Variants in ALK observed in about 807,000 individuals in gnomAD.
The protein encoded by ALK is ALK receptor tyrosine kinase, also known as ALK tyrosine kinase receptor.
In ALK, 74 loss-of-function variants were observed where a neutral mutation model predicts 163.1. The ratio of observed to expected loss-of-function variants is 0.45; its 90% CI spans 0.38 to 0.55. The LOEUF is 0.55. Ranked by LOEUF, ALK falls within the 20% of genes least tolerant of loss-of-function variation. The pLI is 0.00. For missense variants in ALK, 2,063 were observed against 2,105.3 expected (o/e 0.98, Z 0.39); for synonymous variants, 960 against 843.2 (o/e 1.14, Z -2.40).
chr2:29,857,910 G>A lies in ALK; in HGVS notation c.667+62083C>T, dbSNP rs1047364854. The stretch of plus-strand genomic sequence containing the variant: ...TTGTGAGAAATAGCAGAGTGATCCT[G>A]TGGTGTCCGTTTTACTCAGTTTCTG... On this transcript the variant is annotated intron_variant, in intron 1 of 28. Coordinates refer to ENST00000389048, the MANE Select transcript of ALK (RefSeq NM_004304.5). Among the ~76,000 whole-genome samples the A allele has an allele frequency of 1.3e-5, 2 of 152,208 alleles. 1 individual carries two copies. The highest frequency in any genetic ancestry group is 1.3e-4 in the Admixed American group (2 of 15,282).
At chr2:29,429,225 T>C (rs1034722015) in intron 4 of ALK, among the ~76,000 whole-genome samples, 11 of 152,034 alleles carry the variant, frequency 7.2e-5, no homozygotes, top group African/African-American at 2.2e-4. Context: ...GCCACTTCTA[T>C]TGAACATTAT....
chr2:29,694,149 C>G (rs564585582), intron 3 of ALK, among the ~76,000 whole-genome samples: 4 of 152,324 alleles, frequency 2.6e-5, no homozygotes, highest in African/African-American at 7.2e-5. Context: ...GCCTTCATGT[C>G]TCTGTCTAAG....
intron 4 of ALK, among the ~76,000 whole-genome samples, chr2:29,501,977 C>T (rs1672199900): frequency 6.6e-6 from 1 of 152,174 alleles, no homozygotes. Context: ...TCAAGGTTCA[C>T]ACACATTGTA....
intron 1 of ALK, among the ~76,000 whole-genome samples, chr2:29,834,023 G>C (rs144566924): frequency 1.7e-4 from 26 of 152,122 alleles, no homozygotes; most frequent in African/African-American, 6.0e-4. Flanking sequence ...ACACATGGTT[G>C]GGCAGAAAAA....
chr2:29,812,214 C>T (rs1358993533), intron 1 of ALK, among the ~76,000 whole-genome samples: 1 of 152,124 alleles, frequency 6.6e-6, no homozygotes, highest in Admixed American at 6.5e-5. Flanking sequence ...AAGCCAAGCA[C>T]ACAGCATCTA....
At chr2:29,625,473 C>T (rs941907019) in intron 3 of ALK, among the ~76,000 whole-genome samples, 3 of 152,140 alleles carry the variant, frequency 2.0e-5, no homozygotes, top group African/African-American at 7.2e-5. Flanking sequence ...AATAGCCCTG[C>T]AAAGTAACAA....
intron 4 of ALK, among the ~76,000 whole-genome samples, chr2:29,475,692 T>C (rs1321744192): frequency 1.3e-5 from 2 of 152,092 alleles, no homozygotes; most frequent in Non-Finnish European, 2.9e-5. Context: ...TCCTGGCCTC[T>C]CAGTCAAAGG....
chr2:29,280,793 C>G (rs563985632), intron 9 of ALK, among the ~76,000 whole-genome samples: 2 of 149,322 alleles, frequency 1.3e-5, no homozygotes, highest in Non-Finnish European at 3.0e-5. Context: ...GTAGACCACT[C>G]TGGGACTGAG....
chr2:29,684,449 C>T (rs1292666399), intron 3 of ALK, among the ~76,000 whole-genome samples: 1 of 152,158 alleles, frequency 6.6e-6, no homozygotes, highest in Non-Finnish European at 1.5e-5. Flanking sequence ...AACAGCTTAG[C>T]TGGTGGCAGT....
rs1027257207 is a variant in ALK at position 29,478,557 on chromosome 2, T to G, written c.1154+53358A>C. Among the ~76,000 whole-genome samples, 9 of 152,344 alleles carry G rather than the reference T, an allele frequency of 5.9e-5. No individual in the cohort carries two copies. In the East Asian group the frequency reaches 1.7e-3, roughly 29 times the overall value. ...ACCCTGTACTTAACTTGAGAAGAGC[T>G]TTGAAGTAATGAGCTCATGCTGTGC... On this transcript the variant is annotated intron_variant, in intron 4 of 28. Transcript: ENST00000389048.
chr2:29,375,010 G>C (rs1048874682), intron 5 of ALK, among the ~76,000 whole-genome samples: 2 of 152,158 alleles, frequency 1.3e-5, no homozygotes, highest in Non-Finnish European at 2.9e-5. Flanking sequence ...ACCTCCCCAG[G>C]TTGGCAGTGT....
chr2:29,670,729 T>C (rs1476776383), intron 3 of ALK, among the ~76,000 whole-genome samples: 1 of 152,094 alleles, frequency 6.6e-6, no homozygotes, highest in African/African-American at 2.4e-5. Flanking sequence ...TATTTTCATA[T>C]AGCCAGTGTT....
At chr2:29,858,264 T>C (rs1035456146) in intron 1 of ALK, among the ~76,000 whole-genome samples, 2 of 152,154 alleles carry the variant, frequency 1.3e-5, no homozygotes, top group Non-Finnish European at 2.9e-5. Flanking sequence ...ACTTCTATAA[T>C]CTTGTCATTT....
intron 4 of ALK, among the ~76,000 whole-genome samples, chr2:29,481,948 A>C (rs1671671328): frequency 6.6e-6 from 1 of 152,238 alleles, no homozygotes; most frequent in Non-Finnish European, 1.5e-5. Context: ...TAATTGGCTG[A>C]TGTCCTGCCT....
intron 3 of ALK, among the ~76,000 whole-genome samples, chr2:29,559,435 T>C (rs1021521215): frequency 8.5e-5 from 13 of 152,324 alleles, no homozygotes; most frequent in African/African-American, 3.1e-4. Context: ...TGACAAATAA[T>C]AGAGAACTCC....
chr2:29,213,798 A>G (rs1359223563), intron 24 of ALK, among the ~76,000 whole-genome samples, 186 bp downstream of exon 24: 1 of 152,222 alleles, frequency 6.6e-6, no homozygotes, highest in Non-Finnish European at 1.5e-5. Flanking sequence ...AGCCTGGGCA[A>G]CAAAGTGAGA....
In ALK at chr2:29,227,702, A is replaced by C. The variant is rs1221254296; in HGVS notation, c.2816-30T>G. On this transcript the variant is annotated intron_variant, in intron 16 of 28. Transcript: ENST00000389048. The surrounding 1 kb of genome is among the most constrained non-coding windows in gnomAD (Gnocchi z 4.4). Reference sequence around the variant, plus strand: ...GTAGCAAACCAGAGCAGAGTTTAACATGGGGGGTGGGTGCCAAAATCTTAA... The same window carrying C: ...GTAGCAAACCAGAGCAGAGTTTAACCTGGGGGGTGGGTGCCAAAATCTTAA... 3.8e-6 allele frequency: 6 copies of C among 1,588,472 alleles called. No individual in the cohort carries two copies. The highest frequency in any genetic ancestry group is 5.2e-6 in the Non-Finnish European group (6 of 1,157,794).
chr2:29,608,039 G>GTTTT (rs1558406105), intron 3 of ALK, among the ~76,000 whole-genome samples: 9 of 48,346 alleles, frequency 1.9e-4, no homozygotes, highest in African/African-American at 9.5e-4. Flanking sequence ...CATTTCTATT[G>GTTTT]CTTTGTCTGG....
intron 24 of ALK, among the ~76,000 whole-genome samples, chr2:29,212,389 T>G (rs1196866932): frequency 6.6e-6 from 1 of 152,074 alleles, no homozygotes; most frequent in Non-Finnish European, 1.5e-5. Context: ...AAAAACTACC[T>G]TAAAAAAAAG....
Sources: gnomAD v4.1 joint callset for allele counts (sites outside exome capture counted in the v4.1 genomes callset) on GRCh38, gnomAD v4.1.1 for gene constraint, Gnocchi (gnomAD v3.1) non-coding constraint, MANE v1.5 for transcripts, NCBI Gene and HGNC (gene_info 2026-07-23, HGNC 2026-07-21) for gene names.